The following DNAJC16 variants were observed in gnomAD, a reference collection of about 807,000 sequenced individuals.
DNAJC16 encodes dnaJ homolog subfamily C member 16.
DNAJC16 carries 76 observed loss-of-function variants against 92.7 expected under a neutral mutation model. The observed-to-expected ratio is 0.82, with a 90% CI of 0.68 to 0.99. The LOEUF is 0.99. Among genes scored for constraint, DNAJC16 ranks in the 50% least tolerant of loss-of-function variants. The probability of loss-of-function intolerance (pLI) is 0.00; values close to 1 mark genes in which losing one functional copy is unlikely to be tolerated. For synonymous variants in DNAJC16, 328 were observed against 358.7 expected, an observed-to-expected ratio of 0.91 and a Z score of 0.97; for missense variants, 869 against 942.4, an observed-to-expected ratio of 0.92 and a Z score of 1.02.
At chr1:15,537,087 G>C (rs1169385905) in intron 4 of DNAJC16, among the ~76,000 whole-genome samples, 1 of 152,200 alleles carries the variant, frequency 6.6e-6, no homozygotes, top group African/African-American at 2.4e-5. Context: ...CTGACCTCAA[G>C]TGATCTGCCT....
chr1:15,538,869 G>A (rs906827330), intron 4 of DNAJC16, among the ~76,000 whole-genome samples: 2 of 152,100 alleles, frequency 1.3e-5, no homozygotes, highest in African/African-American at 2.4e-5. Context: ...TTCATTTCAC[G>A]TTATTTTGCA....
At chr1:15,540,856 C>T (rs905919415) in intron 4 of DNAJC16, among the ~76,000 whole-genome samples, 3 of 152,164 alleles carry the variant, frequency 2.0e-5, no homozygotes, top group Non-Finnish European at 4.4e-5. Flanking sequence ...GGCATTCAAT[C>T]TATATAGCAA....
chr1:15,543,399 C>T (rs1409125555), intron 4 of DNAJC16, among the ~76,000 whole-genome samples: 1 of 152,230 alleles, frequency 6.6e-6, no homozygotes, highest in African/African-American at 2.4e-5. Flanking sequence ...GAGGCAGGAG[C>T]ATCCACTGTC....
chr1:15,564,151 C>T, intron 10 of DNAJC16, 40 bp downstream of exon 10: 1 of 1,608,434 alleles, frequency 6.2e-7, no homozygotes, highest in Non-Finnish European at 8.5e-7. Flanking sequence ...ACCAGGAGGG[C>T]TTGTGAGTAC....
intron 5 of DNAJC16, among the ~76,000 whole-genome samples, chr1:15,546,017 C>G (rs149590665): frequency 0.02 from 3,076 of 152,186 alleles, 35 homozygotes; most frequent in Middle Eastern, 0.037. Flanking sequence ...TTAAAAAGAG[C>G]AAGCTGGCCT....
Position 15,536,541 on chromosome 1 carries a change from TACCAGA to T in DNAJC16, c.303_308del (p.Tyr101_Lys103delinsTer). On this transcript the variant is annotated stop_gained and inframe_deletion, in exon 4 of 15. Transcript: ENST00000375847. LOFTEE classifies it high-confidence loss of function. The stretch of plus-strand genomic sequence containing the variant: ...TGGAGACGCTGGAGAGAACCAGGGC[TACCAGA>T]AGCAGCAACAGCAGCGAGAGTATCG... The T allele has an allele frequency of 6.2e-7, 1 of 1,614,202 alleles. No homozygotes were observed. Among genetic ancestry groups the T allele is most frequent in the East Asian group, 2.2e-5 (1 of 44,888 alleles).
chr1:15,565,157 T>TGAG (rs1638779825), intron 11 of DNAJC16: 1 of 152,412 alleles, frequency 6.6e-6, no homozygotes, highest in Admixed American at 6.5e-5. Flanking sequence ...TTATATTGGC[T>TGAG]GACTGACCCT....
Position 15,536,943 on chromosome 1 carries a change from C to T in DNAJC16, c.574+129C>T, listed in dbSNP as rs150928872. 8.9e-4 allele frequency: 634 copies of T among 713,680 alleles called. 3 individuals carry two copies. The African/African-American group carries it at 0.011, about 12-fold the overall frequency. The allele number at this position is 713,680 out of a possible 1,614,324, so 44.2% of individuals were successfully genotyped here. On this transcript the variant is annotated intron_variant, in intron 4 of 14. Coordinates refer to ENST00000375847, the MANE Select transcript of DNAJC16 (RefSeq NM_015291.4). ...TCGGCTCACTGCAACCTCCACCTCC[C>T]GGGTTCAAGTGATTCTCCTGCCTCA...
chr1:15,546,175 T>A (rs1360625881), intron 5 of DNAJC16, among the ~76,000 whole-genome samples: 3 of 152,112 alleles, frequency 2.0e-5, no homozygotes, highest in African/African-American at 7.2e-5. Flanking sequence ...CATGGTGCCA[T>A]GTACCTGTAG....
At chr1:15,565,744 C>T in intron 11 of DNAJC16, 175 bp from the exon 12 acceptor site, 1 of 647,800 alleles carries the variant, frequency 1.5e-6, no homozygotes, top group Non-Finnish European at 2.7e-6. Flanking sequence ...GAACACTGAG[C>T]AATCTCTACC....
chr1:15,546,416 T>C (rs1638307923), intron 5 of DNAJC16, among the ~76,000 whole-genome samples: 1 of 152,146 alleles, frequency 6.6e-6, no homozygotes, highest in Admixed American at 6.6e-5. Flanking sequence ...GGTAGATAGA[T>C]AGATATTGAA....
At chr1:15,540,161 A>C (rs1710899356) in intron 4 of DNAJC16, among the ~76,000 whole-genome samples, 1 of 151,750 alleles carries the variant, frequency 6.6e-6, no homozygotes, top group Non-Finnish European at 1.5e-5. Context: ...TCCTGTCTCT[A>C]CTAAAAATAC....
intron 1 of DNAJC16, among the ~76,000 whole-genome samples, chr1:15,528,253 T>G (rs1473300679): frequency 6.6e-6 from 1 of 152,098 alleles, no homozygotes; most frequent in Non-Finnish European, 1.5e-5. Context: ...GCCAACATGG[T>G]GAAACCCTGT....
chr1:15,554,551 G>A (rs983573968), intron 7 of DNAJC16, among the ~76,000 whole-genome samples: 14 of 152,132 alleles, frequency 9.2e-5, no homozygotes, highest in Non-Finnish European at 1.9e-4. Flanking sequence ...ATATCTGATA[G>A]AACAAATCTC....
At chr1:15,555,044 TTTG>T (rs199760591) in intron 7 of DNAJC16, among the ~76,000 whole-genome samples, 218 of 134,602 alleles carry the variant, frequency 1.6e-3, no homozygotes, top group East Asian at 6.5e-3. Context: ...TTTTTTTTTT[TTTG>T]TTTGATAGTT....
At chr1:15,540,236 G>A (rs1299071946) in intron 4 of DNAJC16, among the ~76,000 whole-genome samples, 1 of 152,018 alleles carries the variant, frequency 6.6e-6, no homozygotes, top group African/African-American at 2.4e-5. Flanking sequence ...TGAGACAGGA[G>A]AATTGCTTGC....
intron 4 of DNAJC16, 41 bp downstream of exon 4, chr1:15,536,855 A>AC (rs1710802933): frequency 2.6e-6 from 4 of 1,520,796 alleles, no homozygotes; most frequent in Non-Finnish European, 2.6e-6. Context: ...TATATAGATG[A>AC]CTTTTTTTTT....
chr1:15,532,503 C>T (rs1449444853), intron 2 of DNAJC16, among the ~76,000 whole-genome samples: 1 of 152,102 alleles, frequency 6.6e-6, no homozygotes, highest in Non-Finnish European at 1.5e-5. Context: ...CCTTGCCCTC[C>T]TCTGTTTCAG....
Position 15,544,426 on chromosome 1 carries a change from G to T in DNAJC16, c.602G>T (p.Gly201Val), listed in dbSNP as rs1404634278. The T allele has an allele frequency of 6.2e-7, 1 of 1,613,578 alleles. No individual in the cohort carries two copies. Among genetic ancestry groups the T allele is most frequent in the Non-Finnish European group, 8.5e-7 (1 of 1,179,786 alleles). ...GTAGGAATTGGCGTGGTCCATGCTG[G>T]GTATGAGAGACGCCTGGCCCATCAC... ...LGVGIGVVHA[G>V]YERRLAHHLG... The change falls in exon 5 of 15, where the codon GGG becomes GTG. Residue 201 changes from glycine to valine, a missense_variant. By Grantham distance (109) the Gly-to-Val change is moderately radical. Transcript: ENST00000375847.
Sources: gnomAD v4.1 joint callset for allele counts (sites outside exome capture counted in the v4.1 genomes callset) on GRCh38, gnomAD v4.1.1 for gene constraint, MANE v1.5 for transcripts, NCBI Gene and HGNC (gene_info 2026-07-23, HGNC 2026-07-21) for gene names.